The following RAD52 variants were observed in gnomAD, a reference collection of about 807,000 sequenced individuals.
The protein encoded by RAD52 is DNA repair protein RAD52 homolog.
Under a neutral mutation model 55.5 loss-of-function variants are expected in RAD52, and 47 were observed. The observed-to-expected ratio is 0.85, with a 90% CI of 0.67 to 1.08. The LOEUF (loss-of-function observed/expected upper bound fraction) is 1.08. Ranked by LOEUF, RAD52 falls within the 50% of genes least tolerant of loss-of-function variation. The pLI, the probability that RAD52 is intolerant of heterozygous loss-of-function variation, is 0.00. For synonymous variants in RAD52, 184 were observed against 198.9 expected (o/e 0.92, Z 0.63); for missense variants, 468 against 522.8 (o/e 0.90, Z 1.02).
intron 1 of RAD52, chr12:975,544 C>T (rs190655285): frequency 6.6e-6 from 1 of 152,296 alleles, no homozygotes; most frequent in Admixed American, 6.5e-5. Flanking sequence ...ATTCCTTCAC[C>T]TATACATCCC....
chr12:941,870 C>T (rs898537762), intron 1 of RAD52, among the ~76,000 whole-genome samples: 4 of 152,180 alleles, frequency 2.6e-5, no homozygotes, highest in Non-Finnish European at 5.9e-5. Context: ...CTCCTGACCT[C>T]AGCTGATCTG....
intron 2 of RAD52, 91 bp downstream of exon 2, chr12:932,884 C>T (rs1407931289): frequency 9.4e-7 from 1 of 1,064,120 alleles, no homozygotes; most frequent in Non-Finnish European, 1.4e-6. Context: ...AGGTACTGCT[C>T]ACACATGTAC....
At position 926,800 on chromosome 12, in the gene RAD52, G is replaced by T. The variant is rs557882532; in HGVS notation, c.467+345C>A. ...TAACTACGTTAACTATGCTACCTGTGCGTAGCGGAGGACTGCTGAGGAGCA... is the reference window on the plus strand; with the variant it reads ...TAACTACGTTAACTATGCTACCTGTTCGTAGCGGAGGACTGCTGAGGAGCA... On this transcript the variant is annotated intron_variant, in intron 6 of 11. Transcript: ENST00000358495. The T allele has an allele frequency of 1.8e-5, 28 of 1,536,458 alleles. No homozygotes were observed. The South Asian group carries it at 3.3e-4, about 18-fold the overall frequency.
At chr12:976,457 A>G (rs1191711437) in intron 1 of RAD52, 1 of 152,252 alleles carries the variant, frequency 6.6e-6, no homozygotes, top group Non-Finnish European at 1.5e-5. Context: ...AGAAACTAGC[A>G]GCTTCTACTT....
intron 1 of RAD52, among the ~76,000 whole-genome samples, chr12:986,216 G>A (rs1486983466): frequency 1.3e-5 from 2 of 152,136 alleles, no homozygotes; most frequent in Non-Finnish European, 2.9e-5. Flanking sequence ...TTACAGGTGT[G>A]AGCCGCCGCA....
chr12:918,845 T>C (rs11064590), intron 7 of RAD52, among the ~76,000 whole-genome samples: 5,362 of 152,158 alleles, frequency 0.035, 126 homozygotes, highest in Middle Eastern at 0.088. Context: ...ATGTGTTTGG[T>C]TGGAAAATTC....
At position 960,547 on chromosome 12, in the gene RAD52, C is replaced by G. The variant is rs11064618; in HGVS notation, c.-18-27471G>C. Among the ~76,000 whole-genome samples, 1,016 of 152,240 alleles carry G rather than the reference C, an allele frequency of 6.7e-3. 7 individuals carry two copies. Among genetic ancestry groups the G allele is most frequent in the African/African-American group, 0.023 (966 of 41,558 alleles). On this transcript the variant is annotated intron_variant, in intron 1 of 11. Transcript: ENST00000430095. ...ACTCGATCATAGCAAACTGCAGCCT[C>G]AAACTCCTGGGCTCAAGCAATCCTC... is the stretch of plus-strand genomic sequence containing the variant.
At chr12:916,944 A>C in intron 7 of RAD52, 124 bp from the exon 8 acceptor site, 1 of 1,334,806 alleles carries the variant, frequency 7.5e-7, no homozygotes, top group East Asian at 2.5e-5. Flanking sequence ...CACGCCTTCT[A>C]GGTCCTGTAA....
intron 7 of RAD52, among the ~76,000 whole-genome samples, chr12:920,731 G>C (rs1956681639): frequency 1.3e-5 from 2 of 152,062 alleles, no homozygotes; most frequent in Non-Finnish European, 2.9e-5. Flanking sequence ...TTCAATAATA[G>C]ATAAAACAAC....
intron 7 of RAD52, among the ~76,000 whole-genome samples, chr12:921,245 A>G (rs1163207323): frequency 6.6e-6 from 1 of 152,130 alleles, no homozygotes; most frequent in Non-Finnish European, 1.5e-5. Flanking sequence ...AAGAAAGGAA[A>G]TTCTAAAAAG....
Position 913,116 on chromosome 12 carries a change from G to A in RAD52, c.*275C>T, listed in dbSNP as rs1167822372. 2 of 362,948 alleles carry A rather than the reference G, an allele frequency of 5.5e-6. No homozygotes were observed. The highest frequency in any genetic ancestry group is 9.8e-6 in the Non-Finnish European group (2 of 203,544). 22.5% of individuals were successfully genotyped at this position (362,948 alleles called of 1,614,324 possible). A position where few individuals can be genotyped will look rare whatever the true frequency, so the allele number is the denominator to read the frequency against. On this transcript the variant is annotated 3_prime_UTR_variant, in exon 12 of 12. Transcript: ENST00000358495. ...AATGTCCATCTTCATTAACATAATA[G>A]TTCAGTAATAAATAGTGGGAAGCCT...
At position 913,078 on chromosome 12, in the gene RAD52, T is replaced by G. The variant is rs959275080; in HGVS notation, c.*313A>C. ...ATATTGCTTGAGGGCAAGGAGCCAT[T>G]GGTGATTCCTAAAATGTCCATCTTC... On this transcript the variant is annotated 3_prime_UTR_variant, in exon 12 of 12. Transcript: ENST00000358495. 1 of 299,426 alleles carries G rather than the reference T, an allele frequency of 3.3e-6. No homozygotes were observed. Among genetic ancestry groups the G allele is most frequent in the African/African-American group, 2.1e-5 (1 of 46,630 alleles). 18.5% of individuals were successfully genotyped at this position (299,426 alleles called of 1,614,324 possible). A position where few individuals can be genotyped will look rare whatever the true frequency, so the allele number is the denominator to read the frequency against.
At chr12:935,637 T>G (rs1354567193) in intron 1 of RAD52, among the ~76,000 whole-genome samples, 1 of 151,510 alleles carries the variant, frequency 6.6e-6, no homozygotes, top group Admixed American at 6.6e-5. Flanking sequence ...GCAGATCACC[T>G]GAGGTCAGGA....
chr12:927,073 C>CA (rs1160470723), intron 6 of RAD52, 72 bp downstream of exon 6: 43 of 1,538,424 alleles, frequency 2.8e-5, no homozygotes, highest in Admixed American at 5.1e-5. Flanking sequence ...TTACCTCTTC[C>CA]AAAAAAAATC....
intron 1 of RAD52, among the ~76,000 whole-genome samples, chr12:970,936 A>G (rs1958841223): frequency 6.9e-6 from 1 of 145,932 alleles, no homozygotes; most frequent in African/African-American, 2.5e-5. Context: ...GAGACAGGAA[A>G]TAAATCGATA....
intron 1 of RAD52, among the ~76,000 whole-genome samples, chr12:981,334 AAACAAC>A (rs927256629): frequency 1.3e-5 from 2 of 151,426 alleles, no homozygotes; most frequent in African/African-American, 4.9e-5. Flanking sequence ...CCCTATCTCA[AAACAAC>A]AACAACCACA....
At chr12:954,707 A>C (rs1466909695) in intron 1 of RAD52, among the ~76,000 whole-genome samples, 1 of 152,210 alleles carries the variant, frequency 6.6e-6, no homozygotes, top group African/African-American at 2.4e-5. Flanking sequence ...ATTGTATTTA[A>C]AATCTCTTTC....
At chr12:966,637 T>C (rs1479846032) in intron 1 of RAD52, among the ~76,000 whole-genome samples, 1 of 152,056 alleles carries the variant, frequency 6.6e-6, no homozygotes, top group Non-Finnish European at 1.5e-5. Flanking sequence ...ACTTTTTCCC[T>C]TTTTTCCTAA....
intron 7 of RAD52, among the ~76,000 whole-genome samples, chr12:920,739 A>C (rs1415194487): frequency 6.6e-6 from 1 of 152,174 alleles, no homozygotes; most frequent in African/African-American, 2.4e-5. Context: ...TAGATAAAAC[A>C]ACCAAACAAA....
Sources: allele counts gnomAD v4.1 joint callset (sites outside exome capture counted in the v4.1 genomes callset), GRCh38; gene constraint gnomAD v4.1.1; transcripts MANE v1.5; gene names NCBI Gene and HGNC (gene_info 2026-07-23, HGNC 2026-07-21).